DCC: variants seen among roughly 807,000 people sequenced by gnomAD.
DCC encodes the protein netrin receptor DCC.
DCC carries 58 observed loss-of-function variants against 172.5 expected under a neutral mutation model. That is an observed-to-expected ratio of 0.34 (90% CI 0.27 to 0.42). The LOEUF is 0.42. Ranked by LOEUF, DCC falls within the 10% of genes least tolerant of loss-of-function variation. The pLI, the probability that DCC is intolerant of heterozygous loss-of-function variation, is 1.00. For synonymous variants in DCC, 709 were observed against 644.5 expected (o/e 1.10, Z -1.52); for missense variants, 1,740 against 1,791.0 (o/e 0.97, Z 0.51).
intron 5 of DCC, among the ~76,000 whole-genome samples, chr18:52,997,918 G>A (rs2041508148): frequency 6.6e-6 from 1 of 151,882 alleles, no homozygotes; most frequent in Admixed American, 6.6e-5. Context: ...CCTCCTCAGA[G>A]CAACTCTCTG....
At chr18:53,350,735 G>C (rs2057782012) in intron 15 of DCC, among the ~76,000 whole-genome samples, 1 of 151,984 alleles carries the variant, frequency 6.6e-6, no homozygotes, top group Non-Finnish European at 1.5e-5. Context: ...GGTAATTCAA[G>C]AGCTGTAAAT....
chr18:52,373,295 A>T (rs764294018), intron 1 of DCC, among the ~76,000 whole-genome samples: 41 of 152,116 alleles, frequency 2.7e-4, no homozygotes, highest in Non-Finnish European at 4.6e-4. Context: ...ACCAACAATG[A>T]ATCTGAGAGT....
At chr18:53,167,517 G>A (rs1305589955) in intron 8 of DCC, among the ~76,000 whole-genome samples, 1 of 152,158 alleles carries the variant, frequency 6.6e-6, no homozygotes, top group African/African-American at 2.4e-5. Context: ...ACAAGGAATA[G>A]AATCCAATTT....
intron 1 of DCC, among the ~76,000 whole-genome samples, chr18:52,623,021 C>T (rs1027262415): frequency 6.6e-6 from 1 of 152,182 alleles, no homozygotes; most frequent in South Asian, 2.1e-4. Context: ...TTCCACTTTT[C>T]TTATCCTCTA....
At chr18:52,772,922 T>A (rs189500465) in intron 2 of DCC, among the ~76,000 whole-genome samples, 2 of 152,296 alleles carry the variant, frequency 1.3e-5, no homozygotes, top group Non-Finnish European at 2.9e-5. Context: ...TTGCAAATAT[T>A]TTCATTGCCA....
intron 2 of DCC, among the ~76,000 whole-genome samples, chr18:52,759,897 T>G (rs2037132008): frequency 6.6e-6 from 1 of 152,198 alleles, no homozygotes; most frequent in Middle Eastern, 3.2e-3. Flanking sequence ...AAGCTTTATA[T>G]TTTTATGCTA....
intron 5 of DCC, among the ~76,000 whole-genome samples, chr18:52,990,367 C>A (rs2041365220): frequency 6.6e-6 from 1 of 151,668 alleles, no homozygotes; most frequent in Non-Finnish European, 1.5e-5. Context: ...ATGCAGAAAC[C>A]CCGTCTCTAC....
intron 12 of DCC, among the ~76,000 whole-genome samples, chr18:53,269,449 C>T (rs556207970): frequency 3.9e-5 from 6 of 152,202 alleles, no homozygotes; most frequent in African/African-American, 1.2e-4. Flanking sequence ...ATGACACCCC[C>T]TCTCCACCAT....
chr18:53,370,772 A>G (rs2058053134), intron 15 of DCC, among the ~76,000 whole-genome samples: 1 of 151,896 alleles, frequency 6.6e-6, no homozygotes, highest in Non-Finnish European at 1.5e-5. Context: ...CTTACTTAAT[A>G]GGATATGGCC....
intron 1 of DCC, among the ~76,000 whole-genome samples, chr18:52,744,517 G>A (rs768111821): frequency 1.3e-5 from 2 of 152,096 alleles, no homozygotes; most frequent in Non-Finnish European, 2.9e-5. Context: ...TGGCTTTAAA[G>A]TGTTAGTCTC....
At chr18:52,389,268 A>G (rs906076762) in intron 1 of DCC, among the ~76,000 whole-genome samples, 2 of 152,144 alleles carry the variant, frequency 1.3e-5, no homozygotes, top group Non-Finnish European at 2.9e-5. Context: ...CTGCCAAATA[A>G]TAGATAAGGT....
chr18:53,192,945 A>G lies in DCC; in HGVS notation c.1574-12271A>G, dbSNP rs928558683. Among the ~76,000 whole-genome samples the G allele has an allele frequency of 1.1e-4, 17 of 152,252 alleles. No homozygotes were observed. In the East Asian group the frequency reaches 2.7e-3, roughly 24 times the overall value. ...TGCAGGAGTCATTCCTGATGCTTCC[A>G]TCAACTTCACTCTCTTACCACCAAT... On this transcript the variant is annotated intron_variant, in intron 9 of 28. Transcript: ENST00000442544.
At chr18:53,372,722 G>A (rs1053743285) in intron 15 of DCC, among the ~76,000 whole-genome samples, 2 of 152,018 alleles carry the variant, frequency 1.3e-5, no homozygotes, top group African/African-American at 2.4e-5. Context: ...TTCAAGAATA[G>A]TAGTTGAAAA....
chr18:52,785,257 A>G (rs775656150), intron 2 of DCC, among the ~76,000 whole-genome samples: 8 of 152,030 alleles, frequency 5.3e-5, no homozygotes, highest in Non-Finnish European at 5.9e-5. Context: ...TAACATGTGT[A>G]GTCCCTAGTT....
intron 14 of DCC, among the ~76,000 whole-genome samples, chr18:53,329,401 ATT>A (rs1324185613): frequency 1.9e-4 from 29 of 152,184 alleles, no homozygotes; most frequent in South Asian, 6.2e-4. Flanking sequence ...CTAAAAACCT[ATT>A]AGAGCTAATA....
At chr18:53,455,454 A>T (rs543699137) in intron 23 of DCC, among the ~76,000 whole-genome samples, 1 of 152,362 alleles carries the variant, frequency 6.6e-6, no homozygotes, top group East Asian at 1.9e-4. Flanking sequence ...ACTAATTAAA[A>T]GTGAAAAGGA....
intron 7 of DCC, among the ~76,000 whole-genome samples, chr18:53,112,945 ATTTTGAAAATTCCC>A (rs533790981): frequency 8.0e-4 from 121 of 151,630 alleles, no homozygotes; most frequent in African/African-American, 2.8e-3. Flanking sequence ...ACTGACTTAC[ATTTTGAAAATTCCC>A]TAAAAACATC....
chr18:53,226,934 G>GTGTATATATATATATATATATATA (rs34949557), intron 12 of DCC, among the ~76,000 whole-genome samples: 4 of 68,138 alleles, frequency 5.9e-5, no homozygotes, highest in Non-Finnish European at 8.9e-5. Flanking sequence ...GTGTGTGTGT[G>GTGTATATATATATATATATATATA]TATATATATA....
At chr18:52,915,244 G>A (rs2040024295) in intron 3 of DCC, among the ~76,000 whole-genome samples, 1 of 152,110 alleles carries the variant, frequency 6.6e-6, no homozygotes, top group Non-Finnish European at 1.5e-5. Flanking sequence ...AGTCATCACT[G>A]CATTAGCATA....
Sources: gnomAD v4.1 joint callset for allele counts (sites outside exome capture counted in the v4.1 genomes callset) on GRCh38, gnomAD v4.1.1 for gene constraint, MANE v1.5 for transcripts, NCBI Gene and HGNC (gene_info 2026-07-23, HGNC 2026-07-21) for gene names.